The following TCF20 variants were observed in gnomAD, a reference collection of about 807,000 sequenced individuals.
TCF20 encodes the protein transcription factor 20, also known as SPRE-binding protein.
TCF20 carries 3 observed loss-of-function variants against 148.6 expected under a neutral mutation model. That is an observed-to-expected ratio of 0.02 (90% CI 0.01 to 0.05). The LOEUF (loss-of-function observed/expected upper bound fraction) is 0.05. TCF20 is among the 10% of genes least tolerant of loss of function. The probability of loss-of-function intolerance (pLI) is 1.00; values close to 1 mark genes in which losing one functional copy is unlikely to be tolerated. For synonymous variants in TCF20, 1,049 were observed against 909.5 expected, an observed-to-expected ratio of 1.15 and a Z score of -2.76; for missense variants, 2,350 against 2,429.3, an observed-to-expected ratio of 0.97 and a Z score of 0.69.
intron 1 of TCF20, among the ~76,000 whole-genome samples, chr22:42,304,207 T>C (rs542755918): frequency 3.9e-5 from 6 of 152,220 alleles, no homozygotes; most frequent in Admixed American, 6.5e-5. Context: ...GGAGAAAATA[T>C]ACAGCCAGAA....
intron 1 of TCF20, among the ~76,000 whole-genome samples, chr22:42,258,897 C>T (rs1456932006): frequency 1.3e-5 from 2 of 152,088 alleles, no homozygotes; most frequent in South Asian, 2.1e-4. Context: ...TCTCTTGATC[C>T]CAGATTCTCC....
intron 1 of TCF20, among the ~76,000 whole-genome samples, chr22:42,239,972 CTG>C (rs1924250550): frequency 6.6e-6 from 1 of 152,078 alleles, no homozygotes; most frequent in Admixed American, 6.6e-5. Flanking sequence ...CCCACAATAT[CTG>C]TGAAGTACAA....
chr22:42,286,165 C>T (rs1927028151), upstream of TCF20, among the ~76,000 whole-genome samples: 1 of 152,168 alleles, frequency 6.6e-6, no homozygotes, highest in Non-Finnish European at 1.5e-5. Context: ...AGTGCAGACC[C>T]TCGAAAGACC....
intron 1 of TCF20, among the ~76,000 whole-genome samples, chr22:42,329,121 C>T (rs1428088754): frequency 1.3e-5 from 2 of 152,212 alleles, no homozygotes; most frequent in Non-Finnish European, 2.9e-5. Flanking sequence ...CCGGGAGAGG[C>T]GGGTGGATCT....
At position 42,215,187 on chromosome 22, in the gene TCF20, T is replaced by C; in HGVS notation, c.119A>G (p.Asn40Ser). The C allele has an allele frequency of 1.9e-6, 3 of 1,614,142 alleles. No homozygotes were observed. The highest frequency in any genetic ancestry group is 2.5e-6 in the Non-Finnish European group (3 of 1,180,008). ...ACTACTGCCACCTGTACCTCCAAAA[T>C]TCTGGAACATCTGGGCCTGACGAGG... Reference protein sequence around the residue: ...FSPRQAQMFQNFGGTGGSSGS... With the variant: ...FSPRQAQMFQSFGGTGGSSGS... The change falls in exon 2 of 6, where the codon AAT becomes AGT. Residue 40 changes from asparagine to serine, a missense_variant. By Grantham distance (46) the Asn-to-Ser change is conservative (BLOSUM62 1). Around this residue, in one of 7 missense-constraint regions of TCF20, gnomAD observed 1,641 missense variants for 1,662.6 expected, o/e 0.99. Coordinates refer to ENST00000677622, the MANE Select transcript of TCF20 (RefSeq NM_001378418.1).
chr22:42,216,918 C>G (rs1163416107), intron 1 of TCF20, among the ~76,000 whole-genome samples: 1 of 152,102 alleles, frequency 6.6e-6, no homozygotes, highest in Admixed American at 6.5e-5. Flanking sequence ...CCAAATTGCT[C>G]CAAGTGACTT....
intron 1 of TCF20, among the ~76,000 whole-genome samples, chr22:42,325,926 G>C (rs541589240): frequency 6.6e-6 from 1 of 152,122 alleles, no homozygotes. Context: ...TATTATTGCC[G>C]TCCTCAGGTG....
intron 5 of TCF20, 60 bp downstream of exon 5, chr22:42,168,549 A>G: frequency 6.5e-7 from 1 of 1,531,806 alleles, no homozygotes; most frequent in South Asian, 1.2e-5. Context: ...AGGAGGGCAG[A>G]GGCAACGACG....
intron 1 of TCF20, among the ~76,000 whole-genome samples, chr22:42,264,417 T>C (rs1926179559): frequency 6.6e-6 from 1 of 152,312 alleles, no homozygotes. Context: ...AACACTCCTC[T>C]TTCTTAGCCT....
At chr22:42,201,494 G>A (rs1021191088) in intron 2 of TCF20, among the ~76,000 whole-genome samples, 13 of 152,120 alleles carry the variant, frequency 8.5e-5, no homozygotes, top group East Asian at 1.9e-4. Context: ...TAGACCAGGC[G>A]CGGTGGCTCA....
At chr22:42,337,864 T>C (rs1928092774) in intron 1 of TCF20, among the ~76,000 whole-genome samples, 1 of 152,210 alleles carries the variant, frequency 6.6e-6, no homozygotes, top group African/African-American at 2.4e-5. Flanking sequence ...GGGTGGCCGG[T>C]GGCCTCATAT....
chr22:42,295,514 G>A (rs1185803238), intron 1 of TCF20, among the ~76,000 whole-genome samples: 1 of 151,182 alleles, frequency 6.6e-6, no homozygotes, highest in Admixed American at 6.6e-5. Context: ...CACAATCTCG[G>A]CTCACTGCAA....
chr22:42,280,919 TC>T (rs1926888202), intron 1 of TCF20, among the ~76,000 whole-genome samples: 1 of 152,126 alleles, frequency 6.6e-6, no homozygotes, highest in African/African-American at 2.4e-5. Flanking sequence ...GCAGGTAACT[TC>T]CTTGAAGCCA....
chr22:42,273,488 G>C (rs1926698722), upstream of TCF20, among the ~76,000 whole-genome samples: 1 of 151,182 alleles, frequency 6.6e-6, no homozygotes, highest in South Asian at 2.1e-4. Context: ...TTAAGTTGCT[G>C]CCCAAGATTG....
chr22:42,166,152 A>G (rs1174288579), intron 5 of TCF20, among the ~76,000 whole-genome samples: 1 of 152,230 alleles, frequency 6.6e-6, no homozygotes, highest in Admixed American at 6.5e-5. Flanking sequence ...ACAGCACATA[A>G]AAAACATTTC....
chr22:42,246,443 C>A (rs977189606), intron 1 of TCF20, among the ~76,000 whole-genome samples: 2 of 152,138 alleles, frequency 1.3e-5, no homozygotes, highest in Non-Finnish European at 2.9e-5. Context: ...CATTGTTTCT[C>A]CTGGCTTCAA....
At chr22:42,175,923 T>G (rs770740564) in intron 3 of TCF20, among the ~76,000 whole-genome samples, 1 of 151,946 alleles carries the variant, frequency 6.6e-6, no homozygotes, top group South Asian at 2.1e-4. Flanking sequence ...CCTCCCTGGG[T>G]AGCTGGGACT....
chr22:42,329,064 C>G (rs1481335022), intron 1 of TCF20, among the ~76,000 whole-genome samples: 2 of 152,224 alleles, frequency 1.3e-5, no homozygotes, highest in African/African-American at 4.8e-5. Context: ...TTCATTTCCC[C>G]GCTCCCCCTC....
At chr22:42,321,349 G>A (rs1176419540) in intron 1 of TCF20, among the ~76,000 whole-genome samples, 2 of 152,148 alleles carry the variant, frequency 1.3e-5, no homozygotes, top group African/African-American at 4.8e-5. Flanking sequence ...CTGTCCCATG[G>A]CCAGCTCTGT....
Sources: allele counts gnomAD v4.1 joint callset (sites outside exome capture counted in the v4.1 genomes callset), GRCh38; gene constraint gnomAD v4.1.1; regional missense constraint gnomAD v4.1.1; transcripts MANE v1.5; gene names NCBI Gene and HGNC (gene_info 2026-07-23, HGNC 2026-07-21).